The following TBC1D5 variants were observed in gnomAD, a reference collection of about 807,000 sequenced individuals.
TBC1D5 encodes the protein TBC1 domain family member 5.
A neutral mutation model predicts 100.3 loss-of-function variants in TBC1D5; 75 were observed. That is an observed-to-expected ratio of 0.75 (90% CI 0.62 to 0.91). TBC1D5 has a LOEUF of 0.91. TBC1D5 is among the 40% of genes least tolerant of loss of function. The probability of loss-of-function intolerance (pLI) is 0.00; values close to 1 mark genes in which losing one functional copy is unlikely to be tolerated. For synonymous variants in TBC1D5, 323 were observed against 325.6 expected, an observed-to-expected ratio of 0.99 and a Z score of 0.09; for missense variants, 910 against 942.4, an observed-to-expected ratio of 0.97 and a Z score of 0.45.
At chr3:17,185,993 T>C (rs1469159974) in intron 18 of TBC1D5, among the ~76,000 whole-genome samples, 4 of 149,878 alleles carry the variant, frequency 2.7e-5, no homozygotes, top group African/African-American at 4.9e-5. Flanking sequence ...AAAGATAATA[T>C]AAGCAAAAAG....
intron 4 of TBC1D5, among the ~76,000 whole-genome samples, chr3:17,415,993 GAATA>G (rs1480846836): frequency 2.6e-5 from 4 of 152,118 alleles, no homozygotes; most frequent in African/African-American, 9.7e-5. Flanking sequence ...GTAGAATAGA[GAATA>G]AATTACTTTC....
chr3:17,659,321 C>A (rs2066424762), intron 1 of TBC1D5, among the ~76,000 whole-genome samples: 1 of 151,966 alleles, frequency 6.6e-6, no homozygotes, highest in Non-Finnish European at 1.5e-5. Flanking sequence ...TATTCTGGCA[C>A]AGGGATTAGG....
At chr3:17,725,145 T>C (rs949175025) in intron 1 of TBC1D5, among the ~76,000 whole-genome samples, 2 of 152,212 alleles carry the variant, frequency 1.3e-5, no homozygotes, top group Admixed American at 6.5e-5. Flanking sequence ...TGGTATCATG[T>C]TTCCTTGTGT....
chr3:17,574,962 G>A (rs2096648755), intron 2 of TBC1D5, among the ~76,000 whole-genome samples: 1 of 151,972 alleles, frequency 6.6e-6, no homozygotes, highest in African/African-American at 2.4e-5. Flanking sequence ...TACCATAAAA[G>A]ACAGAAATAT....
At chr3:17,464,106 C>T (rs2095263154) in intron 3 of TBC1D5, among the ~76,000 whole-genome samples, 1 of 151,998 alleles carries the variant, frequency 6.6e-6, no homozygotes, top group Non-Finnish European at 1.5e-5. Context: ...CATGCGCCAA[C>T]ACACCCCGTT....
At chr3:17,250,511 A>T (rs2077089430) in intron 16 of TBC1D5, among the ~76,000 whole-genome samples, 1 of 152,148 alleles carries the variant, frequency 6.6e-6, no homozygotes, top group Non-Finnish European at 1.5e-5. Flanking sequence ...TACCAATGTC[A>T]TTTGCTACCA....
intron 2 of TBC1D5, among the ~76,000 whole-genome samples, chr3:17,582,400 A>G (rs2096704250): frequency 6.6e-6 from 1 of 152,238 alleles, no homozygotes; most frequent in South Asian, 2.1e-4. Context: ...TTTCTAACAT[A>G]CACAACTCAG....
At chr3:17,314,764 C>G (rs868823539) in intron 13 of TBC1D5, among the ~76,000 whole-genome samples, 1 of 152,284 alleles carries the variant, frequency 6.6e-6, no homozygotes, top group South Asian at 2.1e-4. Context: ...TTCAGGCTGT[C>G]AGAGCTCCTA....
At chr3:17,540,897 CTCCA>C (rs2096346723) in intron 2 of TBC1D5, among the ~76,000 whole-genome samples, 1 of 118,326 alleles carries the variant, frequency 8.5e-6, no homozygotes, top group Non-Finnish European at 1.6e-5. Context: ...CAGAGCGAGG[CTCCA>C]TCTCAAAAAA....
At chr3:17,692,608 T>C (rs115440219) in intron 1 of TBC1D5, among the ~76,000 whole-genome samples, 1,659 of 152,308 alleles carry the variant, frequency 0.011, 11 homozygotes, top group Middle Eastern at 0.031. Flanking sequence ...TGCCAATCCA[T>C]TGGAGAGAAA....
intron 18 of TBC1D5, among the ~76,000 whole-genome samples, chr3:17,203,038 C>T (rs1045867510): frequency 6.6e-6 from 1 of 151,924 alleles, no homozygotes; most frequent in African/African-American, 2.4e-5. Flanking sequence ...ACAGCTTGTA[C>T]TGTGTGCCTG....
intron 3 of TBC1D5, among the ~76,000 whole-genome samples, chr3:17,446,023 G>A (rs1049644923): frequency 4.6e-5 from 7 of 152,124 alleles, no homozygotes; most frequent in South Asian, 4.1e-4. Flanking sequence ...TAAAGTCATT[G>A]TATTTTGGGT....
intron 13 of TBC1D5, among the ~76,000 whole-genome samples, chr3:17,370,589 G>A (rs766356924): frequency 2.4e-4 from 37 of 152,216 alleles, no homozygotes; most frequent in Non-Finnish European, 4.7e-4. Flanking sequence ...TCAATGATGA[G>A]GTTAAGCTAA....
exon 1 of TBC1D5, chr3:17,739,819 A>C (rs960010943): frequency 7.9e-5 from 12 of 152,104 alleles, no homozygotes; most frequent in African/African-American, 2.7e-4. Context: ...AGCCTGGCCA[A>C]TATAGTGAAA....
intron 3 of TBC1D5, among the ~76,000 whole-genome samples, chr3:17,493,541 T>C (rs1215209965): frequency 6.6e-6 from 1 of 152,192 alleles, no homozygotes; most frequent in Non-Finnish European, 1.5e-5. Flanking sequence ...TACCATTCTC[T>C]CCATCTCTTT....
At chr3:17,293,973 C>T (rs2082003814) in intron 14 of TBC1D5, among the ~76,000 whole-genome samples, 1 of 152,178 alleles carries the variant, frequency 6.6e-6, no homozygotes, top group Non-Finnish European at 1.5e-5. Context: ...GTACAAGTTA[C>T]CAGTGATTCC....
chr3:17,350,416 G>A (rs1341223896), intron 13 of TBC1D5, among the ~76,000 whole-genome samples: 1 of 152,124 alleles, frequency 6.6e-6, no homozygotes, highest in Non-Finnish European at 1.5e-5. Flanking sequence ...TTGAGCCAGA[G>A]TCAAAGAGCT....
At chr3:17,518,232 G>T (rs765174844) in intron 2 of TBC1D5, among the ~76,000 whole-genome samples, 65 of 152,122 alleles carry the variant, frequency 4.3e-4, no homozygotes, top group Non-Finnish European at 8.8e-4. Flanking sequence ...ACAGCCCAAA[G>T]TTAGAACTTC....
intron 3 of TBC1D5, among the ~76,000 whole-genome samples, chr3:17,455,369 T>C (rs1236107181): frequency 6.8e-6 from 1 of 147,808 alleles, no homozygotes; most frequent in Non-Finnish European, 1.5e-5. Context: ...TGTGTGTATA[T>C]ATATGTATAA....
Sources: gnomAD v4.1 joint callset for allele counts (sites outside exome capture counted in the v4.1 genomes callset) on GRCh38, gnomAD v4.1.1 for gene constraint, MANE v1.5 for transcripts, NCBI Gene and HGNC (gene_info 2026-07-23, HGNC 2026-07-21) for gene names.